Variants in NFASC observed in about 807,000 individuals in gnomAD.
NFASC encodes neurofascin homolog.
Under a neutral mutation model 147.5 loss-of-function variants are expected in NFASC, and 43 were observed. The observed-to-expected ratio is 0.29, with a 90% CI of 0.23 to 0.38. The LOEUF is 0.38. NFASC is among the 10% of genes least tolerant of loss of function. The pLI, the probability that NFASC is intolerant of heterozygous loss-of-function variation, is 1.00. For missense variants in NFASC, 1,320 were observed against 1,689.0 expected (o/e 0.78, Z 3.83); for synonymous variants, 622 against 665.5 (o/e 0.93, Z 1.01).
chr1:204,905,453 A>C (rs2085625902), intron 1 of NFASC, among the ~76,000 whole-genome samples: 3 of 151,888 alleles, frequency 2.0e-5, no homozygotes, highest in East Asian at 1.9e-4. Flanking sequence ...CCTAAAGATT[A>C]GTGACTTTGA....
At chr1:204,855,704 T>G (rs1209650242) in intron 1 of NFASC, among the ~76,000 whole-genome samples, 4 of 152,164 alleles carry the variant, frequency 2.6e-5, no homozygotes, top group Admixed American at 6.5e-5. Context: ...AGCATTGCCT[T>G]GGACCTCACC....
intron 2 of NFASC, among the ~76,000 whole-genome samples, chr1:204,933,417 A>C (rs1252589375): frequency 6.6e-6 from 1 of 152,144 alleles, no homozygotes; most frequent in African/African-American, 2.4e-5. Flanking sequence ...GGCTTGAATG[A>C]CTTGGGTGGG....
chr1:204,973,581 T>A (rs577605067), intron 12 of NFASC, among the ~76,000 whole-genome samples, 162 bp downstream of exon 12: 27 of 152,054 alleles, frequency 1.8e-4, no homozygotes, highest in African/African-American at 6.5e-4. Context: ...TGGGAAAAAA[T>A]TTGTGAGAGG....
rs1233100979 is a variant in NFASC at position 205,015,093 on chromosome 1, G to A, written c.3492-1215G>A. ...AACACAGCCCCGGCTCTGGCTCGCT[G>A]CCCTCACCTGACAGCTGTCTTTGCC... On this transcript the variant is annotated intron_variant, in intron 29 of 29. Transcript: ENST00000339876. This position sits in a 1 kb window ranked among gnomAD's most constrained non-coding sequence, Gnocchi z 4.0. 6.6e-6 allele frequency among the ~76,000 whole-genome samples: 1 copy of A among 152,172 alleles called. No homozygotes were observed. Among genetic ancestry groups the A allele is most frequent in the Non-Finnish European group, 1.5e-5 (1 of 68,042 alleles).
intron 1 of NFASC, among the ~76,000 whole-genome samples, chr1:204,851,205 C>T (rs2075656722): frequency 6.6e-6 from 1 of 152,124 alleles, no homozygotes; most frequent in Admixed American, 6.6e-5. Flanking sequence ...TTTCCAACTT[C>T]AGCATGTGAG....
chr1:204,895,280 C>T (rs748914288), intron 1 of NFASC, among the ~76,000 whole-genome samples: 3 of 152,168 alleles, frequency 2.0e-5, no homozygotes, highest in Non-Finnish European at 2.9e-5. Flanking sequence ...TGCCACTACT[C>T]AAGCTTTCAA....
intron 1 of NFASC, among the ~76,000 whole-genome samples, chr1:204,859,485 C>T (rs919702494): frequency 2.0e-5 from 3 of 152,188 alleles, no homozygotes; most frequent in Non-Finnish European, 4.4e-5. Context: ...CTGTAAGCTC[C>T]ATGGCAGGGA....
At chr1:204,850,855 T>C (rs1437324229) in intron 1 of NFASC, among the ~76,000 whole-genome samples, 1 of 152,206 alleles carries the variant, frequency 6.6e-6, no homozygotes, top group Non-Finnish European at 1.5e-5. Flanking sequence ...GCCCTCATAG[T>C]TTTGCTTTGC....
intron 2 of NFASC, among the ~76,000 whole-genome samples, chr1:204,943,479 G>A (rs2093502457): frequency 6.6e-6 from 1 of 152,112 alleles, no homozygotes; most frequent in Non-Finnish European, 1.5e-5. Flanking sequence ...CTTCTTCCTG[G>A]TCATTGTCTC....
chr1:205,003,666 C>T (rs1320326963), intron 27 of NFASC, among the ~76,000 whole-genome samples: 1 of 152,146 alleles, frequency 6.6e-6, no homozygotes, highest in Admixed American at 6.5e-5. Context: ...TAATCAGATG[C>T]AGGTCATTAG....
intron 1 of NFASC, among the ~76,000 whole-genome samples, chr1:204,856,356 A>G (rs1455248592): frequency 1.3e-5 from 2 of 149,968 alleles, no homozygotes; most frequent in Non-Finnish European, 3.0e-5. Context: ...GTTGGTCACA[A>G]AAGTGCCAAG....
intron 1 of NFASC, among the ~76,000 whole-genome samples, chr1:204,864,428 G>A (rs1315555768): frequency 1.3e-5 from 2 of 152,280 alleles, no homozygotes; most frequent in East Asian, 3.9e-4. Flanking sequence ...TTAACTTTTT[G>A]AGAAACTACC....
At chr1:204,831,581 G>A (rs1672242844) in intron 1 of NFASC, among the ~76,000 whole-genome samples, 1 of 151,982 alleles carries the variant, frequency 6.6e-6, no homozygotes, top group Non-Finnish European at 1.5e-5. Context: ...GAGGCACCCT[G>A]AGATCTTCAA....
At chr1:204,836,702 A>C (rs1673898711) in intron 1 of NFASC, among the ~76,000 whole-genome samples, 1 of 152,204 alleles carries the variant, frequency 6.6e-6, no homozygotes, top group South Asian at 2.1e-4. Context: ...GTCTTTATGG[A>C]GGAAAATGCC....
At chr1:204,866,003 A>G (rs1283670665) in intron 1 of NFASC, among the ~76,000 whole-genome samples, 1 of 152,190 alleles carries the variant, frequency 6.6e-6, no homozygotes, top group African/African-American at 2.4e-5. Context: ...GTAAAATTTA[A>G]CCTTTCTGGT....
intron 1 of NFASC, among the ~76,000 whole-genome samples, chr1:204,864,410 T>C (rs934023541): frequency 2.0e-5 from 3 of 152,248 alleles, no homozygotes; most frequent in African/African-American, 7.2e-5. Context: ...GTATATTAAC[T>C]CTTATGTTTA....
In NFASC at chr1:204,997,514, T is replaced by G. The variant is rs538164990; in HGVS notation, c.3019+108T>G. On this transcript the variant is annotated intron_variant, in intron 25 of 29. Transcript: ENST00000339876. Reference sequence around the variant, plus strand: ...CGAGGAGGTGGGGTCTGGGGTGGTGTTTGCCACCACCTCCCTTTGTGTTTC... The same window carrying G: ...CGAGGAGGTGGGGTCTGGGGTGGTGGTTGCCACCACCTCCCTTTGTGTTTC... 1,475 of 1,222,208 alleles carry G rather than the reference T, an allele frequency of 1.2e-3. 16 individuals are homozygous for G. The African/African-American group carries it at 0.02, about 17-fold the overall frequency. 75.7% of individuals were successfully genotyped at this position (1,222,208 alleles called of 1,614,324 possible). A position where few individuals can be genotyped will look rare whatever the true frequency, so the allele number is the denominator to read the frequency against.
In NFASC at chr1:204,979,805, A is replaced by G. The variant is rs1343097053; in HGVS notation, c.2176+246A>G. 6.6e-6 allele frequency among the ~76,000 whole-genome samples: 1 copy of G among 152,330 alleles called. No homozygotes were observed. On this transcript the variant is annotated intron_variant, in intron 19 of 29. Coordinates refer to ENST00000339876, the MANE Select transcript of NFASC (RefSeq NM_001005388.3). The surrounding 1 kb of genome is among the most constrained non-coding windows in gnomAD (Gnocchi z 6.0). ...GAGCACATGATAAATGCTAACTTCC[A>G]TTTTTATTATTAGTAATTCTTGATT... is the stretch of plus-strand genomic sequence containing the variant.
chr1:204,994,382 G>A (rs1349224601), intron 24 of NFASC, among the ~76,000 whole-genome samples: 1 of 152,222 alleles, frequency 6.6e-6, no homozygotes, highest in Non-Finnish European at 1.5e-5. Context: ...GGAAAATGCT[G>A]TCACCTGGGC....
Sources: gnomAD v4.1 joint callset for allele counts (sites outside exome capture counted in the v4.1 genomes callset) on GRCh38, gnomAD v4.1.1 for gene constraint, Gnocchi (gnomAD v3.1) non-coding constraint, MANE v1.5 for transcripts, NCBI Gene and HGNC (gene_info 2026-07-23, HGNC 2026-07-21) for gene names.